Variants in TM2D2 observed in about 807,000 individuals in gnomAD.
The protein encoded by TM2D2 is TM2 domain-containing protein 2.
In TM2D2, 19 loss-of-function variants were observed where a neutral mutation model predicts 23.0. That is an observed-to-expected ratio of 0.82 (90% CI 0.58 to 1.21). The LOEUF (loss-of-function observed/expected upper bound fraction) is 1.21, where lower values mean the gene tolerates loss of function less well. TM2D2 is among the 50% of genes most tolerant of loss of function. The pLI, the probability that TM2D2 is intolerant of heterozygous loss-of-function variation, is 0.00. For synonymous variants in TM2D2, 120 were observed against 108.8 expected (o/e 1.10, Z -0.64); for missense variants, 246 against 265.4 (o/e 0.93, Z 0.51).
rs200354734 is a variant in TM2D2, at chr8:38,991,557, G to T, written c.432-12C>A. The T allele has an allele frequency of 3.8e-6, 6 of 1,591,432 alleles. No homozygotes were observed. The highest frequency in any genetic ancestry group is 5.2e-6 in the Non-Finnish European group (6 of 1,159,642). ...AGTGTCCGGTATACCTAGGTGAAAG[G>T]AATGAAAAGGAAGATGTTTTACTGC... On this transcript the variant is annotated splice_polypyrimidine_tract_variant and intron_variant, in intron 3 of 3. Coordinates refer to ENST00000456397, the MANE Select transcript of TM2D2 (RefSeq NM_078473.3).
Position 38,995,300 on chromosome 8 carries a change from G to A in TM2D2, c.315+18C>T. 1.9e-6 allele frequency: 3 copies of A among 1,559,238 alleles called. No homozygotes were observed. The highest frequency in any genetic ancestry group is 2.6e-6 in the Non-Finnish European group (3 of 1,151,346). Reference sequence around the variant, plus strand: ...TCGTTATCGAAGGGTTTGCTCTTACGACAAAACAAAAACTCACCTTGAGAC... The same window carrying A: ...TCGTTATCGAAGGGTTTGCTCTTACAACAAAACAAAAACTCACCTTGAGAC... On this transcript the variant is annotated intron_variant, in intron 2 of 3. Coordinates refer to ENST00000456397, the MANE Select transcript of TM2D2 (RefSeq NM_078473.3).
chr8:38,996,221 G>A lies in TM2D2; in HGVS notation c.219C>T (p.Cys73=). The change falls in exon 1 of 4, where the codon TGC becomes TGT. Residue 73 remains cysteine (C), a synonymous_variant. Transcript: ENST00000456397. Reference sequence around the variant, plus strand: ...GACCACTGGTAGCTTACAGGTAAGAGCAGAGGATGACCGGAGAGTGGGGGT... The same window carrying A: ...GACCACTGGTAGCTTACAGGTAAGAACAGAGGATGACCGGAGAGTGGGGGT... ...YGDPHSPVIL[C]SYLPDEFIEC... The A allele has an allele frequency of 1.2e-6, 2 of 1,613,554 alleles. No homozygotes were observed. Among genetic ancestry groups the A allele is most frequent in the South Asian group, 1.1e-5 (1 of 91,036 alleles).
rs193171895 is a variant in TM2D2 at position 38,990,158 on chromosome 8, A to G, written c.*1174T>C. The G allele has an allele frequency of 6.6e-6, 1 of 152,376 alleles. No homozygotes were observed. Among genetic ancestry groups the G allele is most frequent in the East Asian group, 1.9e-4 (1 of 5,192 alleles). 9.4% of individuals were successfully genotyped at this position (152,376 alleles called of 1,614,324 possible). On this transcript the variant is annotated 3_prime_UTR_variant, in exon 4 of 4. Transcript: ENST00000456397. ...ATTAATCAGGAATGATAAAGCAAGA[A>G]ATTCTTAGGAAAGCTACAAAATGAT...
At position 38,991,240 on chromosome 8, in the gene TM2D2, G is replaced by A. The variant is rs1835589206; in HGVS notation, c.*92C>T. ...TCCAAAAGAAGGAAAATAACATCAG[G>A]TCTGATATCAAAGAGGAGTTTTGAG... On this transcript the variant is annotated 3_prime_UTR_variant, in exon 4 of 4. Transcript: ENST00000456397. The A allele has an allele frequency of 1.9e-6, 2 of 1,056,532 alleles. No individual in the cohort carries two copies. Among genetic ancestry groups the A allele is most frequent in the Non-Finnish European group, 2.8e-6 (2 of 708,676 alleles). 65.4% of individuals were successfully genotyped at this position (1,056,532 alleles called of 1,614,324 possible).
intron 1 of TM2D2, 64 bp from the exon 2 acceptor site, chr8:38,995,469 C>T (rs563060195): frequency 1.9e-6 from 3 of 1,595,138 alleles, no homozygotes; most frequent in African/African-American, 2.7e-5. Context: ...TGTTTGCATG[C>T]ACGTAATCAA....
At position 38,991,535 on chromosome 8, in the gene TM2D2, G is replaced by C; in HGVS notation, c.442C>G (p.His148Asp). Residue 148 changes from histidine to aspartate, a missense_variant, in exon 4 of 4, where the codon CAC becomes GAC. His to Asp is a moderately conservative substitution (Grantham distance 81). This residue lies in a region of TM2D2 where 212 missense variants were observed against 202.2 expected (regional missense o/e 1.05). Transcript: ENST00000456397. ...TAGAGTAAAGTGGTTATGAAGTAGT[G>C]TCCGGTATACCTAGGTGAAAGGAAT... Reference protein sequence around the residue: ...ENKPCIKYTGHYFITTLLYSF... With the variant: ...ENKPCIKYTGDYFITTLLYSF... The C allele has an allele frequency of 1.2e-6, 2 of 1,612,254 alleles. No homozygotes were observed. The highest frequency in any genetic ancestry group is 1.7e-6 in the Non-Finnish European group (2 of 1,178,290).
upstream of TM2D2, chr8:38,996,729 A>ACC (rs553340729): frequency 1.6e-4 from 233 of 1,412,966 alleles, 1 homozygote; most frequent in African/African-American, 3.3e-3. Flanking sequence ...GGATCCGTCG[A>ACC]CCCCCCTAGG....
chr8:38,996,839 G>C, upstream of TM2D2: 1 of 1,445,754 alleles, frequency 6.9e-7, no homozygotes, highest in Non-Finnish European at 9.1e-7. Flanking sequence ...CTCGCGCCGG[G>C]GACTGGATTT....
At chr8:38,994,985 C>T (rs776791687) in intron 2 of TM2D2, 4 of 225,458 alleles carry the variant, frequency 1.8e-5, no homozygotes, top group Non-Finnish European at 3.5e-5. Context: ...TTGCAAAGTG[C>T]ACAGACTTCC....
In TM2D2 at chr8:38,996,503, A is replaced by T; in HGVS notation, c.-64T>A. On this transcript the variant is annotated 5_prime_UTR_variant, in exon 1 of 4. Transcript: ENST00000456397. ...AACCCCAGGCCAGCAGCACAGACCC[A>T]AGAACTGCGTGGTCAGGCCTTTCCG... 1 of 1,596,058 alleles carries T rather than the reference A, an allele frequency of 6.3e-7. No individual in the cohort carries two copies. Among genetic ancestry groups the T allele is most frequent in the East Asian group, 2.3e-5 (1 of 44,426 alleles).
rs142205234 is a variant in TM2D2 at position 38,996,375 on chromosome 8, C to T, written c.65G>A (p.Gly22Glu). The T allele has an allele frequency of 1.2e-6, 2 of 1,614,224 alleles. No individual in the cohort carries two copies. The highest frequency in any genetic ancestry group is 4.5e-5 in the East Asian group (2 of 44,886). ...LLCGQAALLLGNLLLLHCVSR... is the reference protein window; with the variant it reads ...LLCGQAALLLENLLLLHCVSR... ...CACACAATGCAGCAGAAGTAAATTC[C>T]CCAGCAGCAAAGCCGCCTGGCCGCA... The change falls in exon 1 of 4, where the codon GGG becomes GAG. Residue 22 changes from glycine (G) to glutamate (E), a missense_variant. Gly to Glu is a moderately conservative substitution (Grantham distance 98, BLOSUM62 -2). Around this residue, in one of 2 missense-constraint regions of TM2D2, gnomAD observed 212 missense variants for 202.2 expected, o/e 1.05. Coordinates refer to ENST00000456397, the MANE Select transcript of TM2D2 (RefSeq NM_078473.3).
chr8:38,995,495 TTTC>T (rs1285746892), intron 1 of TM2D2, 90 bp from the exon 2 acceptor site: 6 of 1,583,920 alleles, frequency 3.8e-6, no homozygotes, highest in Non-Finnish European at 5.1e-6. Flanking sequence ...GCAAAAGACA[TTTC>T]TTCATCAAGT....
At position 38,996,376 on chromosome 8, in the gene TM2D2, CCAG is replaced by C. The variant is rs1835794629; in HGVS notation, c.61_63del (p.Leu21del). The C allele has an allele frequency of 6.2e-7, 1 of 1,614,098 alleles. No individual in the cohort carries two copies. Among genetic ancestry groups the C allele is most frequent in the Non-Finnish European group, 8.5e-7 (1 of 1,180,048 alleles). On this transcript the variant is annotated inframe_deletion, in exon 1 of 4. Transcript: ENST00000456397. ...ACACAATGCAGCAGAAGTAAATTCC[CCAG>C]CAGCAAAGCCGCCTGGCCGCACAGA...
upstream of TM2D2, chr8:38,996,845 G>A (rs1835821786): frequency 6.9e-7 from 1 of 1,450,564 alleles, no homozygotes; most frequent in Non-Finnish European, 9.0e-7. Context: ...CCGGGGACTG[G>A]ATTTTTCCCT....
chr8:38,991,981 C>T lies in TM2D2; in HGVS notation c.432-436G>A, dbSNP rs1230051344. ...GCACTTGGACCTGAGAAGACTAAGG[C>T]AGAGGAATATTATTTCCTGGGGTGT... On this transcript the variant is annotated intron_variant, in intron 3 of 3. Coordinates refer to ENST00000456397, the MANE Select transcript of TM2D2 (RefSeq NM_078473.3). Among the ~76,000 whole-genome samples, 3 of 152,098 alleles carry T rather than the reference C, an allele frequency of 2.0e-5. No homozygotes were observed. In the South Asian group the frequency reaches 6.2e-4, roughly 32 times the overall value.
chr8:38,996,812 G>A, upstream of TM2D2: 4 of 1,433,046 alleles, frequency 2.8e-6, no homozygotes, highest in Non-Finnish European at 3.6e-6. Flanking sequence ...TGCCACCGCC[G>A]GTTTAGAAAT....
rs1269241343 is a variant in TM2D2 at position 38,989,405 on chromosome 8, G to C, written c.*1927C>G. 1 of 152,192 alleles carries C rather than the reference G, an allele frequency of 6.6e-6. No homozygotes were observed. Among genetic ancestry groups the C allele is most frequent in the African/African-American group, 2.4e-5 (1 of 41,414 alleles). The allele number at this position is 152,192 out of a possible 1,614,324, so 9.4% of individuals were successfully genotyped here. A position where few individuals can be genotyped will look rare whatever the true frequency, so the allele number is the denominator to read the frequency against. On this transcript the variant is annotated 3_prime_UTR_variant, in exon 4 of 4. Transcript: ENST00000456397. ...CAATCTCTGCCTCCTCAGTTCAAGT[G>C]ATTCTCTTACCTCAGCCTCCCGAGT...
At chr8:38,995,498 C>T in intron 1 of TM2D2, 93 bp from the exon 2 acceptor site, 1 of 1,581,962 alleles carries the variant, frequency 6.3e-7, no homozygotes, top group Non-Finnish European at 8.6e-7. Context: ...AAAGACATTT[C>T]TTCATCAAGT....
rs540955949 is a variant in TM2D2, at chr8:38,995,363, A to T, written c.270T>A (p.Val90=). ...FIECEDPVDH[V]GNATASQELG... The stretch of plus-strand genomic sequence containing the variant: ...GTTCCTGGGATGCAGTTGCATTTCC[A>T]ACATGATCCACTGGGTCTTCACATT... The change falls in exon 2 of 4, where the codon GTT becomes GTA. Residue 90 remains valine (V), a synonymous_variant. Transcript: ENST00000456397. 6.2e-7 allele frequency: 1 copy of T among 1,607,818 alleles called. No individual in the cohort carries two copies. The highest frequency in any genetic ancestry group is 1.1e-5 in the South Asian group (1 of 89,800).
Sources: allele counts gnomAD v4.1 joint callset (sites outside exome capture counted in the v4.1 genomes callset), GRCh38; gene constraint gnomAD v4.1.1; regional missense constraint gnomAD v4.1.1; transcripts MANE v1.5; gene names NCBI Gene and HGNC (gene_info 2026-07-23, HGNC 2026-07-21).